UBN2: variants seen among roughly 807,000 people sequenced by gnomAD.
UBN2 encodes the protein ubinuclein-2.
UBN2 carries 35 observed loss-of-function variants against 120.2 expected under a neutral mutation model. The ratio of observed to expected loss-of-function variants is 0.29; its 90% CI spans 0.22 to 0.39. UBN2 has a LOEUF of 0.39. Among genes scored for constraint, UBN2 ranks in the 10% least tolerant of loss-of-function variants. The pLI is 1.00. For missense variants in UBN2, 1,693 were observed against 1,663.2 expected (o/e 1.02, Z -0.31); for synonymous variants, 661 against 648.7 (o/e 1.02, Z -0.29).
intron 8 of UBN2, among the ~76,000 whole-genome samples, chr7:139,271,180 G>A (rs1369162727): frequency 2.0e-5 from 3 of 152,146 alleles, no homozygotes; most frequent in Non-Finnish European, 4.4e-5. Context: ...TTTTAAACAT[G>A]GGATTTTATG....
rs775514531 is a variant in UBN2 at position 139,293,397 on chromosome 7, G to T, written c.3835G>T (p.Asp1279Tyr). The T allele has an allele frequency of 2.2e-5, 35 of 1,614,096 alleles. No individual in the cohort carries two copies. In the South Asian group the frequency reaches 3.7e-4, roughly 17 times the overall value. ...FPLEIFGFGT[D>Y]TAGVTTTSGS... ...CTTGGAGATATTTGGCTTTGGAACG[G>T]ACACAGCTGGAGTGACAACCACCTC... The change falls in exon 16 of 18, where the codon GAC (aspartate) becomes TAC (tyrosine). Residue 1279 changes from aspartate to tyrosine, a missense_variant. Asp to Tyr is a radical substitution (Grantham distance 160). Transcript: ENST00000473989.
rs1056601815 is a variant in UBN2 at position 139,263,964 on chromosome 7, A to G, written c.1395+2223A>G. Among the ~76,000 whole-genome samples, 3 of 152,270 alleles carry G rather than the reference A, an allele frequency of 2.0e-5. No individual in the cohort carries two copies. The East Asian group carries it at 5.8e-4, about 29-fold the overall frequency. On this transcript the variant is annotated intron_variant, in intron 6 of 17. Coordinates refer to ENST00000473989, the MANE Select transcript of UBN2 (RefSeq NM_173569.4). Reference sequence around the variant, plus strand: ...GAAATTCTTCTAGGTGTTTTTACTCAAAGGAAATCTATTTTTTATTCACAT... The same window carrying G: ...GAAATTCTTCTAGGTGTTTTTACTCGAAGGAAATCTATTTTTTATTCACAT...
intron 8 of UBN2, 32 bp downstream of exon 8, chr7:139,269,555 G>C: frequency 6.2e-7 from 1 of 1,609,288 alleles, no homozygotes; most frequent in Non-Finnish European, 8.5e-7. Context: ...TCTACATCTT[G>C]GGTTTCATAA....
rs1378023218 is a variant in UBN2, at chr7:139,299,913, A to G, written c.*2077A>G. On this transcript the variant is annotated 3_prime_UTR_variant, in exon 18 of 18. Coordinates refer to ENST00000473989, the MANE Select transcript of UBN2 (RefSeq NM_173569.4). ...TAGCCTTTGTTTTACTTCTCATACC[A>G]CAAGAGAAGTCGAAGTGCGTATTAA... is the stretch of plus-strand genomic sequence containing the variant. 1.3e-5 allele frequency: 2 copies of G among 152,122 alleles called. No homozygotes were observed. The highest frequency in any genetic ancestry group is 4.8e-5 in the African/African-American group (2 of 41,422). The allele number at this position is 152,122 out of a possible 1,614,324, so 9.4% of individuals were successfully genotyped here.
chr7:139,318,168 T>A, the UBN2 span, among the ~76,000 whole-genome samples: 1 of 152,202 alleles, frequency 6.6e-6, no homozygotes, highest in Admixed American at 6.5e-5. Flanking sequence ...GTGATTGTAC[T>A]CTTAAAATAC....
intron 3 of UBN2, among the ~76,000 whole-genome samples, chr7:139,258,265 ATACTT>A (rs1187793586): frequency 6.6e-6 from 1 of 152,158 alleles, no homozygotes; most frequent in African/African-American, 2.4e-5. Context: ...TATTTAGAAT[ATACTT>A]TATTATTTCA....
chr7:139,272,261 C>T, intron 8 of UBN2, 61 bp from the exon 9 acceptor site: 1 of 1,219,634 alleles, frequency 8.2e-7, no homozygotes, highest in South Asian at 1.4e-5. Flanking sequence ...CTTTTGAGGA[C>T]CTGCTTACAA....
chr7:139,295,476 G>C (rs185239766), intron 17 of UBN2, among the ~76,000 whole-genome samples: 2 of 152,132 alleles, frequency 1.3e-5, no homozygotes, highest in Non-Finnish European at 2.9e-5. Context: ...CACCTGCAAG[G>C]AATTAAACAA....
rs1798301181 is a variant in UBN2 at position 139,303,218 on chromosome 7, T to C, written c.*5382T>C. The C allele has an allele frequency of 6.6e-6, 1 of 152,248 alleles. No individual in the cohort carries two copies. Among genetic ancestry groups the C allele is most frequent in the African/African-American group, 2.4e-5 (1 of 41,468 alleles). 9.4% of individuals were successfully genotyped at this position (152,248 alleles called of 1,614,324 possible). On this transcript the variant is annotated 3_prime_UTR_variant, in exon 18 of 18. Coordinates refer to ENST00000473989, the MANE Select transcript of UBN2 (RefSeq NM_173569.4). ...TTTTTATTTGCTAGATAATTACATTTGGCTTAATCTGATTTTATGGTTATT... is the reference window on the plus strand; with the variant it reads ...TTTTTATTTGCTAGATAATTACATTCGGCTTAATCTGATTTTATGGTTATT...
intron 2 of UBN2, among the ~76,000 whole-genome samples, chr7:139,243,186 G>A (rs1358746584): frequency 1.3e-5 from 2 of 152,200 alleles, no homozygotes; most frequent in Admixed American, 1.3e-4. Context: ...GGTTAAGCAA[G>A]TACTAATGAC....
chr7:139,258,185 A>C (rs1796820107), intron 3 of UBN2, among the ~76,000 whole-genome samples: 1 of 152,208 alleles, frequency 6.6e-6, no homozygotes, highest in South Asian at 2.1e-4. Flanking sequence ...TGTCATTAAG[A>C]ATAGTAGCAG....
intron 1 of UBN2, among the ~76,000 whole-genome samples, chr7:139,236,664 T>C (rs1288106081): frequency 3.3e-5 from 5 of 152,166 alleles, no homozygotes; most frequent in Non-Finnish European, 1.5e-5. Context: ...TGTTGAGTTC[T>C]TACTCATCAA....
At chr7:139,279,421 A>G (rs1797538128) in intron 13 of UBN2, 61 bp downstream of exon 13, 1 of 1,276,032 alleles carries the variant, frequency 7.8e-7, no homozygotes, top group Non-Finnish European at 1.1e-6. Context: ...ATACATTCCT[A>G]AGATGAAAAA....
intron 3 of UBN2, among the ~76,000 whole-genome samples, chr7:139,255,378 C>T (rs1796729985): frequency 6.6e-6 from 1 of 152,006 alleles, no homozygotes; most frequent in Non-Finnish European, 1.5e-5. Context: ...GTAGACTATA[C>T]AGTTTTTATT....
At chr7:139,255,146 A>T (rs1796723809) in intron 3 of UBN2, among the ~76,000 whole-genome samples, 1 of 152,184 alleles carries the variant, frequency 6.6e-6, no homozygotes, top group Non-Finnish European at 1.5e-5. Context: ...TACTGGTCTT[A>T]ACTGTCTTCA....
chr7:139,319,208 G>A, the UBN2 span, among the ~76,000 whole-genome samples: 14 of 152,192 alleles, frequency 9.2e-5, no homozygotes, highest in East Asian at 1.9e-4. Flanking sequence ...TCAGCTTCCC[G>A]AGTAGCTGGG....
At chr7:139,252,512 AT>A (rs1220267994) in intron 3 of UBN2, among the ~76,000 whole-genome samples, 1 of 152,052 alleles carries the variant, frequency 6.6e-6, no homozygotes, top group Admixed American at 6.6e-5. Context: ...TGAAATATTA[AT>A]TTCTTTTGAT....
At position 139,293,313 on chromosome 7, in the gene UBN2, G is replaced by A; in HGVS notation, c.3751G>A (p.Val1251Met). Residue 1251 changes from valine (V) to methionine (M), a missense_variant, in exon 16 of 18, where the codon GTG becomes ATG. Physicochemically the swap from Val to Met is conservative, Grantham distance 21. This residue lies in a region of UBN2 where 837 missense variants were observed against 817.6 expected (regional missense o/e 1.02). Coordinates refer to ENST00000473989, the MANE Select transcript of UBN2 (RefSeq NM_173569.4). ...ACCTTTGTCTGTAACAAATCAAAATGTGACTCCTTTTGGGATGCTGGGTGG... is the reference window on the plus strand; with the variant it reads ...ACCTTTGTCTGTAACAAATCAAAATATGACTCCTTTTGGGATGCTGGGTGG... ...TSPLSVTNQNVTPFGMLGGLV... is the reference protein window; with the variant it reads ...TSPLSVTNQNMTPFGMLGGLV... 3 of 1,614,184 alleles carry A rather than the reference G, an allele frequency of 1.9e-6. No homozygotes were observed. Among genetic ancestry groups the A allele is most frequent in the East Asian group, 2.2e-5 (1 of 44,884 alleles).
intron 2 of UBN2, among the ~76,000 whole-genome samples, chr7:139,246,135 C>T (rs1037239344): frequency 5.9e-5 from 9 of 152,080 alleles, no homozygotes; most frequent in African/African-American, 9.7e-5. Flanking sequence ...GAGGCCAAGG[C>T]GAGCAGATCA....
Sources: gnomAD v4.1 joint callset for allele counts (sites outside exome capture counted in the v4.1 genomes callset) on GRCh38, gnomAD v4.1.1 for gene constraint, gnomAD v4.1.1 regional missense constraint, MANE v1.5 for transcripts, NCBI Gene and HGNC (gene_info 2026-07-23, HGNC 2026-07-21) for gene names.